AGBL1: variants seen among roughly 807,000 people sequenced by gnomAD.
AGBL1 encodes AGBL carboxypeptidase 1.
A neutral mutation model predicts 118.9 loss-of-function variants in AGBL1; 130 were observed. The ratio of observed to expected loss-of-function variants is 1.09; its 90% CI spans 0.95 to 1.26. The LOEUF (loss-of-function observed/expected upper bound fraction) is 1.26. AGBL1 is among the 50% of genes most tolerant of loss of function. The pLI, the probability that AGBL1 is intolerant of heterozygous loss-of-function variation, is 0.00. For synonymous variants in AGBL1, 555 were observed against 478.9 expected, an observed-to-expected ratio of 1.16 and a Z score of -2.08; for missense variants, 1,584 against 1,298.1, an observed-to-expected ratio of 1.22 and a Z score of -3.38.
intron 18 of AGBL1, among the ~76,000 whole-genome samples, chr15:86,466,862 C>T (rs1050215055): frequency 6.6e-6 from 1 of 152,204 alleles, no homozygotes; most frequent in African/African-American, 2.4e-5. Context: ...GCTTCTTCCT[C>T]TGGAAGCTTC....
chr15:86,649,878 T>C (rs763516647), intron 21 of AGBL1, among the ~76,000 whole-genome samples: 65 of 152,312 alleles, frequency 4.3e-4, no homozygotes, highest in Admixed American at 1.6e-3. Context: ...TGTATTGTCC[T>C]TTAAAACTAC....
At chr15:86,250,487 T>A (rs2078794874) in intron 7 of AGBL1, among the ~76,000 whole-genome samples, 1 of 120,122 alleles carries the variant, frequency 8.3e-6, no homozygotes, top group Non-Finnish European at 1.6e-5. Flanking sequence ...GATCACACCA[T>A]TGCACTCCAG....
chr15:86,351,943 A>T (rs921735677), intron 17 of AGBL1, among the ~76,000 whole-genome samples: 5 of 152,168 alleles, frequency 3.3e-5, no homozygotes, highest in African/African-American at 9.7e-5. Context: ...AAAGTGTGAC[A>T]TCTAGTGTAG....
intron 18 of AGBL1, among the ~76,000 whole-genome samples, chr15:86,433,135 GAGA>G (rs1001505219): frequency 6.6e-6 from 1 of 152,154 alleles, no homozygotes. Context: ...TGGGAGGACT[GAGA>G]AGAAGCCACT....
intron 18 of AGBL1, among the ~76,000 whole-genome samples, chr15:86,435,939 A>G (rs1021560307): frequency 6.6e-6 from 1 of 152,182 alleles, no homozygotes; most frequent in African/African-American, 2.4e-5. Flanking sequence ...ATTAACAACT[A>G]TCATTAACTA....
intron 22 of AGBL1, among the ~76,000 whole-genome samples, chr15:86,881,094 C>G (rs775718599): frequency 7.9e-5 from 12 of 152,160 alleles, no homozygotes; most frequent in Non-Finnish European, 1.6e-4. Flanking sequence ...CAGTTCTCAT[C>G]TCACCTCCTT....
chr15:86,916,218 C>T (rs1349930578), downstream of AGBL1: 1 of 152,152 alleles, frequency 6.6e-6, no homozygotes, highest in East Asian at 1.9e-4. Context: ...TATTCCCAGT[C>T]AAAGAGACCA....
intron 21 of AGBL1, among the ~76,000 whole-genome samples, chr15:86,578,760 T>C (rs2084132683): frequency 6.6e-6 from 1 of 152,190 alleles, no homozygotes; most frequent in African/African-American, 2.4e-5. Context: ...TTTTTGCCTC[T>C]TGCCATCCAT....
intron 21 of AGBL1, among the ~76,000 whole-genome samples, chr15:86,626,219 G>A (rs2084885375): frequency 1.3e-5 from 2 of 152,098 alleles, no homozygotes; most frequent in African/African-American, 4.8e-5. Context: ...TGTGTTCATT[G>A]CAGCACTATT....
chr15:86,837,798 G>C (rs751897166), intron 22 of AGBL1, among the ~76,000 whole-genome samples: 3 of 152,176 alleles, frequency 2.0e-5, no homozygotes, highest in Non-Finnish European at 4.4e-5. Context: ...CATTTCAGTG[G>C]TTAGCTCAGA....
intron 22 of AGBL1, among the ~76,000 whole-genome samples, chr15:86,727,105 A>G (rs2086832541): frequency 6.6e-6 from 1 of 152,154 alleles, no homozygotes; most frequent in Admixed American, 6.5e-5. Context: ...AGTACTTGGG[A>G]TGATGGGGAC....
intron 21 of AGBL1, among the ~76,000 whole-genome samples, chr15:86,557,046 T>C (rs554127504): frequency 6.6e-6 from 1 of 152,348 alleles, no homozygotes; most frequent in East Asian, 1.9e-4. Flanking sequence ...TTTCCTCTTC[T>C]ATTTTCCAGT....
At chr15:86,485,123 T>G (rs2082697354) in intron 18 of AGBL1, among the ~76,000 whole-genome samples, 1 of 152,120 alleles carries the variant, frequency 6.6e-6, no homozygotes, top group Non-Finnish European at 1.5e-5. Flanking sequence ...CAGGCGGGAA[T>G]AGAAGATCTG....
intron 18 of AGBL1, among the ~76,000 whole-genome samples, chr15:86,410,907 TAATATATGTTATATA>T (rs2081608640): frequency 8.2e-6 from 1 of 122,348 alleles, no homozygotes; most frequent in East Asian, 2.3e-4. Flanking sequence ...ATATTATATA[TAATATATGTTATATA>T]ATATATATAA....
At chr15:86,998,623 T>G (rs1194886959) in intron 24 of AGBL1, among the ~76,000 whole-genome samples, 1 of 152,196 alleles carries the variant, frequency 6.6e-6, no homozygotes, top group Admixed American at 6.5e-5. Flanking sequence ...ATTTGTTATA[T>G]GGCAATAAAG....
intron 15 of AGBL1, among the ~76,000 whole-genome samples, chr15:86,272,971 T>C (rs914894776): frequency 6.6e-6 from 1 of 152,064 alleles, no homozygotes; most frequent in African/African-American, 2.4e-5. Flanking sequence ...AGTCTGTAAC[T>C]GCAGGAAAAA....
chr15:86,266,618 A>G (rs114681765), intron 12 of AGBL1, among the ~76,000 whole-genome samples, 161 bp downstream of exon 12: 1,531 of 152,322 alleles, frequency 0.01, 33 homozygotes, highest in African/African-American at 0.032. Context: ...TTTAAGAATC[A>G]TCGGCCAGGC....
At chr15:86,988,111 T>G (rs2081302318) in intron 24 of AGBL1, 1 of 1,611,208 alleles carries the variant, frequency 6.2e-7, no homozygotes, top group Non-Finnish European at 8.5e-7. Flanking sequence ...GTTTCCTGAT[T>G]GTACATTGCT....
intron 18 of AGBL1, among the ~76,000 whole-genome samples, chr15:86,458,094 TA>T (rs2082282881): frequency 3.3e-5 from 5 of 152,026 alleles, no homozygotes; most frequent in Admixed American, 3.3e-4. Flanking sequence ...AAAAATGAGT[TA>T]AAAAAATCTG....
Sources: allele counts gnomAD v4.1 joint callset (sites outside exome capture counted in the v4.1 genomes callset), GRCh38; gene constraint gnomAD v4.1.1; transcripts MANE v1.5; gene names NCBI Gene and HGNC (gene_info 2026-07-23, HGNC 2026-07-21).